The following ZNF71 variants were observed in gnomAD, a reference collection of about 807,000 sequenced individuals.
The protein encoded by ZNF71 is endothelial zinc finger protein induced by tumor necrosis factor alpha.
In ZNF71, 3 loss-of-function variants were observed where a neutral mutation model predicts 6.7. The ratio of observed to expected loss-of-function variants is 0.45; its 90% confidence interval spans 0.20 to 1.16. The LOEUF (loss-of-function observed/expected upper bound fraction) is 1.16, where lower values mean the gene tolerates loss of function less well. Among genes scored for constraint, ZNF71 ranks in the 50% most tolerant of loss-of-function variants. ZNF71 has a pLI of 0.25. For synonymous variants in ZNF71, 343 were observed against 311.1 expected (o/e 1.10, Z -1.08); for missense variants, 688 against 728.6 (o/e 0.94, Z 0.64).
intron 1 of ZNF71, among the ~76,000 whole-genome samples, chr19:56,597,885 C>T (rs762857130): frequency 2.6e-5 from 4 of 152,072 alleles, no homozygotes; most frequent in Non-Finnish European, 2.9e-5. Flanking sequence ...AAATGTTGAG[C>T]GACTCACATT....
At chr19:56,612,000 C>T (rs986492456) in intron 2 of ZNF71, among the ~76,000 whole-genome samples, 26 of 152,204 alleles carry the variant, frequency 1.7e-4, no homozygotes, top group African/African-American at 4.8e-5. Context: ...AACCACAACA[C>T]CACCTTACCC....
intron 1 of ZNF71, among the ~76,000 whole-genome samples, chr19:56,595,839 TTGTGTGTGTGTGTTTG>T: frequency 9.2e-6 from 1 of 108,314 alleles, no homozygotes; most frequent in South Asian, 3.2e-4. Flanking sequence ...GATATTGTGA[TTGTGTGTGTGTGTTTG>T]TGTGTGTGTG....
chr19:56,616,041 G>A (rs34942311), intron 3 of ZNF71, among the ~76,000 whole-genome samples: 44,282 of 150,798 alleles, frequency 0.29, 8,190 homozygotes, highest in Non-Finnish European at 0.41. Flanking sequence ...TTGAAGAGCA[G>A]AAGTTTTTAA....
rs2044877606 is a variant in ZNF71, at chr19:56,623,003, A to C, written c.*246A>C. On this transcript the variant is annotated 3_prime_UTR_variant, in exon 4 of 4. Transcript: ENST00000599599. ...CTTCAAGGTTCACTGTAGCTGAGCC[A>C]TGGCCGCTGGTAACAGACATCAGGG... The C allele has an allele frequency of 1.8e-6, 1 of 565,208 alleles. No individual in the cohort carries two copies. Among genetic ancestry groups the C allele is most frequent in the African/African-American group, 1.9e-5 (1 of 53,462 alleles). The allele number at this position is 565,208 out of a possible 1,614,324, so 35.0% of individuals were successfully genotyped here.
At position 56,621,698 on chromosome 19, in the gene ZNF71, G is replaced by A; in HGVS notation, c.591G>A (p.Lys197=). 1 of 1,614,154 alleles carries A rather than the reference G, an allele frequency of 6.2e-7. No individual in the cohort carries two copies. The highest frequency in any genetic ancestry group is 8.5e-7 in the Non-Finnish European group (1 of 1,180,040). The change falls in exon 4 of 4, where the codon AAG becomes AAA. Residue 197 remains lysine (K), a synonymous_variant. Transcript: ENST00000599599. ...KKTYDCSECG[K]AFSRSSSLIK... is the part of the protein sequence containing the mutation. The stretch of plus-strand genomic sequence containing the variant: ...CCTACGACTGCAGCGAGTGTGGCAA[G>A]GCCTTTAGCCGAAGCTCGTCCCTGA...
At position 56,613,402 on chromosome 19, in the gene ZNF71, CT is replaced by C. The variant is rs1437855986; in HGVS notation, c.34-409del. Reference sequence around the variant, plus strand: ...GAACTAGTTCTTGAACATTTTGTGTCTGTATCCCAGCACTGGGCTTGCTGCC... The same window carrying C: ...GAACTAGTTCTTGAACATTTTGTGTCGTATCCCAGCACTGGGCTTGCTGCC... On this transcript the variant is annotated intron_variant, in intron 2 of 3. Transcript: ENST00000599599. The surrounding 1 kb of genome is among the most constrained non-coding windows in gnomAD (Gnocchi z 4.6). 1.3e-5 allele frequency among the ~76,000 whole-genome samples: 2 copies of C among 152,212 alleles called. No individual in the cohort carries two copies. Among genetic ancestry groups the C allele is most frequent in the Non-Finnish European group, 2.9e-5 (2 of 68,042 alleles).
chr19:56,602,328 G>A (rs961219586), intron 2 of ZNF71, among the ~76,000 whole-genome samples: 2 of 152,160 alleles, frequency 1.3e-5, no homozygotes, highest in African/African-American at 4.8e-5. Flanking sequence ...GTGATTCCTT[G>A]AAGAGGAAGA....
In ZNF71 at chr19:56,622,009, C is replaced by T. The variant is rs2044857371; in HGVS notation, c.902C>T (p.Pro301Leu). The T allele has an allele frequency of 1.2e-6, 2 of 1,613,180 alleles. No homozygotes were observed. The highest frequency in any genetic ancestry group is 1.7e-5 in the Admixed American group (1 of 59,950). ...QHERIHTGEK[P>L]YACGDCGKAF... is the part of the protein sequence containing the mutation. The stretch of plus-strand genomic sequence containing the variant: ...GAGCGGATCCACACGGGGGAGAAGC[C>T]CTACGCGTGCGGGGACTGCGGCAAG... Residue 301 changes from proline to leucine, a missense_variant, in exon 4 of 4, where the codon CCC (proline) becomes CTC (leucine). Transcript: ENST00000599599.
chr19:56,619,507 T>G (rs2044826249), intron 3 of ZNF71, among the ~76,000 whole-genome samples: 1 of 152,198 alleles, frequency 6.6e-6, no homozygotes, highest in Admixed American at 6.5e-5. Flanking sequence ...AAATCCCAAG[T>G]TTCGTATCGG....
intron 3 of ZNF71, 94 bp from the exon 4 acceptor site, chr19:56,621,174 G>A: frequency 2.3e-6 from 3 of 1,291,564 alleles, no homozygotes; most frequent in Non-Finnish European, 2.1e-6. Flanking sequence ...CCTCATTGGG[G>A]TCGGTTTCAT....
At chr19:56,606,800 G>A (rs2148009018) in intron 2 of ZNF71, among the ~76,000 whole-genome samples, 1 of 152,190 alleles carries the variant, frequency 6.6e-6, no homozygotes. Context: ...AGTGTTCCAG[G>A]AGGCTGAGGC....
At chr19:56,600,625 C>G (rs542847827) in intron 1 of ZNF71, among the ~76,000 whole-genome samples, 2 of 152,162 alleles carry the variant, frequency 1.3e-5, no homozygotes, top group South Asian at 4.2e-4. Flanking sequence ...TTTTAGCTCA[C>G]ACAAGTGAGA....
intron 3 of ZNF71, among the ~76,000 whole-genome samples, chr19:56,616,982 G>C (rs755415645): frequency 4.6e-5 from 7 of 152,100 alleles, no homozygotes; most frequent in Non-Finnish European, 8.8e-5. Flanking sequence ...TTTATACTCT[G>C]TCTTGGACAA....
At chr19:56,606,536 C>G (rs1474102103) in intron 2 of ZNF71, among the ~76,000 whole-genome samples, 2 of 152,138 alleles carry the variant, frequency 1.3e-5, no homozygotes, top group African/African-American at 4.8e-5. Context: ...ATGGGCTCAG[C>G]TGGGCAGTTC....
At position 56,619,336 on chromosome 19, in the gene ZNF71, C is replaced by A. The variant is rs141237126; in HGVS notation, c.161-1932C>A. Among the ~76,000 whole-genome samples the A allele has an allele frequency of 4.6e-3, 703 of 152,216 alleles. 3 individuals carry two copies. Among genetic ancestry groups the A allele is most frequent in the Non-Finnish European group, 6.7e-3 (459 of 68,014 alleles). On this transcript the variant is annotated intron_variant, in intron 3 of 3. Transcript: ENST00000599599. The stretch of plus-strand genomic sequence containing the variant: ...CAACTCCCACCCACTCCTCAGCCCC[C>A]GGCATCCTCTGTTCTACCGTCTGTC...
In ZNF71 at chr19:56,617,112, G is replaced by GTTTTTTTTTTTTT. The variant is rs748784485; in HGVS notation, c.160+3183_160+3184insTTTTTTTTTTTTT. Among the ~76,000 whole-genome samples the GTTTTTTTTTTTTT allele has an allele frequency of 7.6e-4, 107 of 140,638 alleles. 6 individuals carry two copies. Among genetic ancestry groups the GTTTTTTTTTTTTT allele is most frequent in the South Asian group, 1.4e-3 (6 of 4,360 alleles). The allele number at this position is 140,638 out of a possible 152,430, so 92.3% of individuals were successfully genotyped here. On this transcript the variant is annotated intron_variant, in intron 3 of 3. Transcript: ENST00000599599. ...TTACAGGAGACTTCCATTTTCTTTTGTTTTTTTTTGTTTTTTTTGAGACAG... is the reference window on the plus strand; with the variant it reads ...TTACAGGAGACTTCCATTTTCTTTTGTTTTTTTTTTTTTTTTTTTTTTGTTTTTTTTGAGACAG...
chr19:56,610,656 A>G (rs775097091), intron 2 of ZNF71: 3 of 152,226 alleles, frequency 2.0e-5, no homozygotes, highest in Non-Finnish European at 4.4e-5. Context: ...AAGAATTTGA[A>G]TATTAGTTTT....
At chr19:56,616,028 T>C (rs560819112) in intron 3 of ZNF71, among the ~76,000 whole-genome samples, 2 of 152,164 alleles carry the variant, frequency 1.3e-5, no homozygotes, top group South Asian at 4.1e-4. Context: ...CCAGTGCAAT[T>C]TGTTGAAGAG....
chr19:56,614,789 G>C (rs1231715693), intron 3 of ZNF71, among the ~76,000 whole-genome samples: 2 of 152,144 alleles, frequency 1.3e-5, no homozygotes, highest in Non-Finnish European at 2.9e-5. Context: ...TTTTGACATA[G>C]TGCATACCCA....
Sources: allele counts gnomAD v4.1 joint callset (sites outside exome capture counted in the v4.1 genomes callset), GRCh38; gene constraint gnomAD v4.1.1; non-coding constraint Gnocchi (gnomAD v3.1); transcripts MANE v1.5; gene names NCBI Gene and HGNC (gene_info 2026-07-23, HGNC 2026-07-21).